The following EGFR variants were observed in gnomAD, a reference collection of about 807,000 sequenced individuals.
EGFR encodes the protein epidermal growth factor receptor.
In EGFR, 58 loss-of-function variants were observed where a neutral mutation model predicts 143.0. That is an observed-to-expected ratio of 0.41 (90% CI 0.33 to 0.50). EGFR has a LOEUF of 0.50. Among genes scored for constraint, EGFR ranks in the 20% least tolerant of loss-of-function variants. The probability of loss-of-function intolerance (pLI) is 0.39; values close to 1 mark genes in which losing one functional copy is unlikely to be tolerated. For missense variants in EGFR, 1,307 were observed against 1,579.0 expected (o/e 0.83, Z 2.92); for synonymous variants, 613 against 594.4 (o/e 1.03, Z -0.45).
chr7:55,130,405 A>C (rs1327131173), intron 1 of EGFR, among the ~76,000 whole-genome samples: 1 of 152,160 alleles, frequency 6.6e-6, no homozygotes, highest in African/African-American at 2.4e-5. Flanking sequence ...GCTTCTCCTG[A>C]GTTAACTTGG....
chr7:55,120,781 C>G (rs1486612261), intron 1 of EGFR, among the ~76,000 whole-genome samples: 1 of 152,120 alleles, frequency 6.6e-6, no homozygotes, highest in Non-Finnish European at 1.5e-5. Flanking sequence ...GCTGCATATT[C>G]CTATTTTTAA....
intron 1 of EGFR, among the ~76,000 whole-genome samples, chr7:55,116,142 G>A (rs1792827433): frequency 3.9e-5 from 6 of 152,166 alleles, no homozygotes; most frequent in Admixed American, 3.9e-4. Context: ...GGAAAAGAAA[G>A]GCTTGACAAC....
chr7:55,186,387 G>A (rs745381237), intron 20 of EGFR, among the ~76,000 whole-genome samples: 6 of 152,146 alleles, frequency 3.9e-5, no homozygotes, highest in Admixed American at 6.5e-5. Flanking sequence ...ATGAGGACTC[G>A]GCAGAGCCTA....
intron 1 of EGFR, among the ~76,000 whole-genome samples, chr7:55,116,950 T>C (rs965966354): frequency 6.6e-6 from 1 of 152,234 alleles, no homozygotes; most frequent in African/African-American, 2.4e-5. Flanking sequence ...TACAAGTTTA[T>C]GAATATTGTC....
At chr7:55,131,772 G>A (rs547964005) in intron 1 of EGFR, among the ~76,000 whole-genome samples, 102 of 152,194 alleles carry the variant, frequency 6.7e-4, no homozygotes, top group African/African-American at 2.4e-3. Flanking sequence ...ATGCTCTGAG[G>A]TCCCTGCTGC....
chr7:55,201,058 G>C (rs2128971218), intron 24 of EGFR, 130 bp from the exon 25 acceptor site: 2 of 1,143,084 alleles, frequency 1.7e-6, no homozygotes, highest in Non-Finnish European at 2.6e-6. Flanking sequence ...AGAGAACCAA[G>C]GGGGATTTCA....
At chr7:55,029,648 A>C (rs1787139763) in intron 1 of EGFR, among the ~76,000 whole-genome samples, 1 of 152,218 alleles carries the variant, frequency 6.6e-6, no homozygotes, top group South Asian at 2.1e-4. Context: ...AAGTATGCAT[A>C]CACATGTATT....
At chr7:55,162,886 G>A (rs17290089) in intron 13 of EGFR, among the ~76,000 whole-genome samples, 224 of 152,296 alleles carry the variant, frequency 1.5e-3, no homozygotes, top group African/African-American at 4.8e-3. Context: ...TGCCCCCTGA[G>A]TTCAGGTGAT....
At chr7:55,110,090 G>T in intron 1 of EGFR, 1 of 374,990 alleles carries the variant, frequency 2.7e-6, no homozygotes, top group Non-Finnish European at 3.7e-6. Flanking sequence ...AGATTCCTAG[G>T]AATCTTATGA....
rs971996007 is a variant in EGFR at position 55,019,485 on chromosome 7, GT to G, written c.88+123del. The G allele has an allele frequency of 1.4e-3, 631 of 459,592 alleles. 1 individual carries two copies. Among genetic ancestry groups the G allele is most frequent in the Non-Finnish European group, 1.8e-3 (580 of 320,954 alleles). 28.5% of individuals were successfully genotyped at this position (459,592 alleles called of 1,614,324 possible). A position where few individuals can be genotyped will look rare whatever the true frequency, so the allele number is the denominator to read the frequency against. On this transcript the variant is annotated intron_variant, in intron 1 of 27. Transcript: ENST00000275493. ...CCCGCGCCCCCGCCCGTCCTTTCCT[GT>G]TTCCTTGAGATCAGCTGCGCCGCCG... is the stretch of plus-strand genomic sequence containing the variant.
At chr7:55,157,308 T>C (rs1785474022) in intron 10 of EGFR, among the ~76,000 whole-genome samples, 1 of 152,222 alleles carries the variant, frequency 6.6e-6, no homozygotes. Context: ...AAGGAAAATT[T>C]GTAAAGCTCC....
At chr7:55,151,412 T>G (rs769546191) in intron 5 of EGFR, 50 bp downstream of exon 5, 1 of 1,581,116 alleles carries the variant, frequency 6.3e-7, no homozygotes. Context: ...CCTCTCTTCC[T>G]TCACTTGCTT....
intron 1 of EGFR, among the ~76,000 whole-genome samples, chr7:55,101,703 A>G (rs898376852): frequency 4.6e-5 from 7 of 152,226 alleles, no homozygotes; most frequent in African/African-American, 1.7e-4. Context: ...GTCTGTCTGT[A>G]CATGCACATA....
At position 55,155,979 on chromosome 7, in the gene EGFR, G is replaced by A. The variant is rs1785398061; in HGVS notation, c.1006+33G>A. 3 of 1,531,502 alleles carry A rather than the reference G, an allele frequency of 2.0e-6. No individual in the cohort carries two copies. In the African/African-American group the frequency reaches 4.1e-5, roughly 21 times the overall value. The allele number at this position is 1,531,502 out of a possible 1,614,324, so 94.9% of individuals were successfully genotyped here. ...GCCCGCCGGTGTGCGGACGAGGCTTGTTCTCGGCTGCTGAGGCTGGGCTCT... is the reference window on the plus strand; with the variant it reads ...GCCCGCCGGTGTGCGGACGAGGCTTATTCTCGGCTGCTGAGGCTGGGCTCT... On this transcript the variant is annotated intron_variant, in intron 8 of 27. Coordinates refer to ENST00000275493, the MANE Select transcript of EGFR (RefSeq NM_005228.5).
chr7:55,190,471 T>C (rs1354236372), intron 20 of EGFR, among the ~76,000 whole-genome samples: 1 of 152,088 alleles, frequency 6.6e-6, no homozygotes, highest in East Asian at 1.9e-4. Context: ...TTAATTTTGC[T>C]CTGACATGCC....
intron 1 of EGFR, among the ~76,000 whole-genome samples, chr7:55,105,155 C>G (rs956689719): frequency 1.3e-5 from 2 of 152,116 alleles, no homozygotes; most frequent in African/African-American, 4.8e-5. Context: ...ACATGTCTGC[C>G]TTTATTGCTT....
chr7:55,073,643 A>G (rs1260208618), intron 1 of EGFR, among the ~76,000 whole-genome samples: 1 of 152,246 alleles, frequency 6.6e-6, no homozygotes, highest in Non-Finnish European at 1.5e-5. Flanking sequence ...ATAGCTATTA[A>G]TACTTCGTCC....
chr7:55,099,456 T>A (rs1791672945), intron 1 of EGFR, among the ~76,000 whole-genome samples: 1 of 152,226 alleles, frequency 6.6e-6, no homozygotes, highest in African/African-American at 2.4e-5. Context: ...GACAATGTCC[T>A]TGTCTATGAA....
intron 1 of EGFR, among the ~76,000 whole-genome samples, chr7:55,046,384 A>G (rs1384763978): frequency 2.6e-5 from 4 of 152,166 alleles, no homozygotes; most frequent in African/African-American, 9.7e-5. Flanking sequence ...GTACACATAA[A>G]CCTACTTCCA....
Sources: gnomAD v4.1 joint callset for allele counts (sites outside exome capture counted in the v4.1 genomes callset) on GRCh38, gnomAD v4.1.1 for gene constraint, MANE v1.5 for transcripts, NCBI Gene and HGNC (gene_info 2026-07-23, HGNC 2026-07-21) for gene names.